SMYD3: variants seen among roughly 807,000 people sequenced by gnomAD.
SMYD3 encodes SET and MYND domain containing 3.
SMYD3 carries 36 observed loss-of-function variants against 57.7 expected under a neutral mutation model. That is an observed-to-expected ratio of 0.62 (90% confidence interval 0.48 to 0.82). The LOEUF (loss-of-function observed/expected upper bound fraction) is 0.82. Among genes scored for constraint, SMYD3 ranks in the 40% least tolerant of loss-of-function variants. The probability of loss-of-function intolerance (pLI) is 0.00; values close to 1 mark genes in which losing one functional copy is unlikely to be tolerated. For synonymous variants in SMYD3, 211 were observed against 195.0 expected, an observed-to-expected ratio of 1.08 and a Z score of -0.68; for missense variants, 515 against 538.8, an observed-to-expected ratio of 0.96 and a Z score of 0.44.
At chr1:246,451,831 TACTTTA>T (rs899830937) in intron 1 of SMYD3, among the ~76,000 whole-genome samples, 1 of 152,240 alleles carries the variant, frequency 6.6e-6, no homozygotes, top group Non-Finnish European at 1.5e-5. Context: ...AAAATTTTTT[TACTTTA>T]ACTTTAGATA....
At chr1:246,083,686 C>G (rs1392103276) in intron 5 of SMYD3, among the ~76,000 whole-genome samples, 3 of 152,160 alleles carry the variant, frequency 2.0e-5, no homozygotes, top group Non-Finnish European at 4.4e-5. Flanking sequence ...ACTACAGTTC[C>G]CTTCACACAG....
At chr1:246,463,661 CAAA>C (rs35482116) in intron 1 of SMYD3, among the ~76,000 whole-genome samples, 2,756 of 73,208 alleles carry the variant, frequency 0.038, 79 homozygotes, top group African/African-American at 0.13. Flanking sequence ...ACTAAAAATA[CAAA>C]AAAAAAAAAA....
chr1:246,234,232 C>T (rs567353519), intron 5 of SMYD3, among the ~76,000 whole-genome samples: 151 of 151,486 alleles, frequency 1.0e-3, no homozygotes, highest in Middle Eastern at 3.5e-3. Flanking sequence ...TCAATTCACA[C>T]TGTGATGAAC....
chr1:245,860,942 T>G (rs1029663105), intron 9 of SMYD3, among the ~76,000 whole-genome samples: 19 of 152,242 alleles, frequency 1.2e-4, no homozygotes, highest in Non-Finnish European at 8.8e-5. Flanking sequence ...TGTTCATTTA[T>G]GTATGTTCCC....
chr1:246,402,381 T>TTTTTTTTTTTTTTTTTTTTTTTTTTTG (rs1239559421), intron 1 of SMYD3, among the ~76,000 whole-genome samples: 3 of 151,500 alleles, frequency 2.0e-5, no homozygotes, highest in Non-Finnish European at 4.4e-5. Flanking sequence ...AACGCCATCT[T>TTTTTTTTTTTTTTTTTTTTTTTTTTTG]AAAGATGATC....
chr1:246,146,703 G>A (rs1209856663), intron 5 of SMYD3, among the ~76,000 whole-genome samples: 2 of 152,134 alleles, frequency 1.3e-5, no homozygotes, highest in Non-Finnish European at 2.9e-5. Flanking sequence ...AAACTGCCCA[G>A]GAATCTAATA....
intron 5 of SMYD3, chr1:246,026,169 A>G (rs2059570968): frequency 6.6e-6 from 1 of 152,230 alleles, no homozygotes; most frequent in Non-Finnish European, 1.5e-5. Context: ...AAAAGAAAAG[A>G]AAATGAAAAC....
chr1:246,488,502 C>G (rs935411947), intron 1 of SMYD3, among the ~76,000 whole-genome samples: 3 of 152,148 alleles, frequency 2.0e-5, no homozygotes, highest in African/African-American at 4.8e-5. Context: ...GCCCTGACAA[C>G]CTGGTGAAAC....
intron 5 of SMYD3, among the ~76,000 whole-genome samples, chr1:246,016,453 T>G (rs1009796409): frequency 1.3e-5 from 2 of 150,702 alleles, no homozygotes; most frequent in African/African-American, 2.4e-5. Context: ...CGTGGTGGCA[T>G]GTGCCTGTAA....
intron 1 of SMYD3, among the ~76,000 whole-genome samples, chr1:246,462,203 CGCGGGGCCTGCTGGGT>C (rs2067808620): frequency 3.0e-5 from 3 of 100,030 alleles, no homozygotes; most frequent in Non-Finnish European, 6.4e-5. Context: ...TGCATCCTCC[CGCGGGGCCTGCTGGGT>C]ACAGTGCATC....
At chr1:246,007,941 C>A (rs140963510) in intron 5 of SMYD3, among the ~76,000 whole-genome samples, 15 of 152,236 alleles carry the variant, frequency 9.9e-5, no homozygotes, top group African/African-American at 2.9e-4. Context: ...TGACAGTAAT[C>A]AGTTAACAAT....
At chr1:246,357,413 G>A (rs1261760063) in intron 1 of SMYD3, among the ~76,000 whole-genome samples, 1 of 152,058 alleles carries the variant, frequency 6.6e-6, no homozygotes, top group South Asian at 2.1e-4. Flanking sequence ...ACCCTATATG[G>A]TCAAAAAAGG....
At chr1:246,430,661 C>A (rs2067283678) in intron 1 of SMYD3, among the ~76,000 whole-genome samples, 1 of 151,854 alleles carries the variant, frequency 6.6e-6, no homozygotes, top group Non-Finnish European at 1.5e-5. Context: ...CAGAAGCCAC[C>A]CAGATATAAG....
Position 246,507,220 on chromosome 1 carries a change from T to TC in SMYD3, c.-4dup. On this transcript the variant is annotated 5_prime_UTR_variant, in exon 1 of 12. Coordinates refer to ENST00000490107, the MANE Select transcript of SMYD3 (RefSeq NM_001167740.2). ...TTTTCCACCTTCAGCGGCTCCATCC[T>TC]CCCGCAGCTCCGGCACCTCAGACGG... 4 of 1,513,920 alleles carry TC rather than the reference T, an allele frequency of 2.6e-6. No homozygotes were observed. The highest frequency in any genetic ancestry group is 3.5e-6 in the Non-Finnish European group (4 of 1,128,660). 93.8% of individuals were successfully genotyped at this position (1,513,920 alleles called of 1,614,324 possible).
chr1:246,497,343 A>C (rs571754937), intron 1 of SMYD3, among the ~76,000 whole-genome samples: 1 of 152,336 alleles, frequency 6.6e-6, no homozygotes, highest in Admixed American at 6.5e-5. Flanking sequence ...TTTTTGGTCT[A>C]ATTCAAAATA....
At chr1:246,504,347 G>A (rs1572065407) in intron 1 of SMYD3, among the ~76,000 whole-genome samples, 2 of 152,226 alleles carry the variant, frequency 1.3e-5, no homozygotes, top group African/African-American at 4.8e-5. Context: ...TACACACCTA[G>A]GCTAGCAGGT....
chr1:246,125,633 A>C (rs1248708541), intron 5 of SMYD3, among the ~76,000 whole-genome samples: 4 of 152,232 alleles, frequency 2.6e-5, no homozygotes, highest in Non-Finnish European at 5.9e-5. Flanking sequence ...CTCGAAGGAA[A>C]GACATACTTC....
intron 5 of SMYD3, among the ~76,000 whole-genome samples, chr1:246,190,615 A>G (rs1485029697): frequency 2.7e-5 from 4 of 149,424 alleles, no homozygotes; most frequent in Non-Finnish European, 5.9e-5. Flanking sequence ...AAAAGGAAGC[A>G]TGGGAAGTAG....
chr1:246,088,801 T>C (rs1401559848), intron 5 of SMYD3, among the ~76,000 whole-genome samples: 1 of 151,580 alleles, frequency 6.6e-6, no homozygotes, highest in East Asian at 1.9e-4. Flanking sequence ...CTTCTAATAA[T>C]TTCAGACAGC....
Sources: gnomAD v4.1 joint callset for allele counts (sites outside exome capture counted in the v4.1 genomes callset) on GRCh38, gnomAD v4.1.1 for gene constraint, MANE v1.5 for transcripts, NCBI Gene and HGNC (gene_info 2026-07-23, HGNC 2026-07-21) for gene names.